Variants in GALNT7 observed in about 807,000 individuals in gnomAD.
The protein encoded by GALNT7 is N-acetylgalactosaminyltransferase 7.
In GALNT7, 60 loss-of-function variants were observed where a neutral mutation model predicts 82.1. That is an observed-to-expected ratio of 0.73 (90% CI 0.59 to 0.91). The LOEUF (loss-of-function observed/expected upper bound fraction) is 0.91. Ranked by LOEUF, GALNT7 falls within the 40% of genes least tolerant of loss-of-function variation. GALNT7 has a pLI of 0.00. For missense variants in GALNT7, 660 were observed against 804.2 expected (o/e 0.82, Z 2.17); for synonymous variants, 243 against 275.1 (o/e 0.88, Z 1.15).
At chr4:173,321,390 G>C (rs1737808303) in intron 11 of GALNT7, among the ~76,000 whole-genome samples, 190 bp from the exon 12 acceptor site, 1 of 152,036 alleles carries the variant, frequency 6.6e-6, no homozygotes, top group Admixed American at 6.6e-5. Flanking sequence ...AAAGATCTTA[G>C]GACTTAGAAA....
chr4:173,195,846 C>G (rs1223356243), intron 1 of GALNT7, among the ~76,000 whole-genome samples: 1 of 152,194 alleles, frequency 6.6e-6, no homozygotes, highest in African/African-American at 2.4e-5. Flanking sequence ...AAAGAGAGTG[C>G]ACACACATAT....
intron 1 of GALNT7, among the ~76,000 whole-genome samples, chr4:173,223,587 C>A (rs1048489846): frequency 2.6e-5 from 4 of 151,270 alleles, no homozygotes; most frequent in Non-Finnish European, 4.4e-5. Context: ...TAAATGAGAC[C>A]CCCACCCCCC....
intron 1 of GALNT7, among the ~76,000 whole-genome samples, chr4:173,229,039 G>T (rs1733935809): frequency 6.6e-6 from 1 of 152,144 alleles, no homozygotes; most frequent in Non-Finnish European, 1.5e-5. Context: ...TATTGTCAGT[G>T]GCAGACAACA....
At chr4:173,269,812 A>T (rs1310261230) in intron 2 of GALNT7, among the ~76,000 whole-genome samples, 1 of 152,228 alleles carries the variant, frequency 6.6e-6, no homozygotes, top group Non-Finnish European at 1.5e-5. Context: ...GGTCTCAAAG[A>T]AATATACAAC....
chr4:173,218,766 T>G (rs577966271), intron 1 of GALNT7, among the ~76,000 whole-genome samples: 2 of 152,326 alleles, frequency 1.3e-5, no homozygotes, highest in Non-Finnish European at 2.9e-5. Context: ...ACATGTATTC[T>G]TTTAAATTTT....
chr4:173,250,901 T>G (rs2126744370), intron 2 of GALNT7, among the ~76,000 whole-genome samples: 1 of 152,332 alleles, frequency 6.6e-6, no homozygotes, highest in African/African-American at 2.4e-5. Context: ...GGCTGGCTCC[T>G]TCCCATCCTT....
At chr4:173,303,823 G>T (rs572288392) in intron 7 of GALNT7, among the ~76,000 whole-genome samples, 173 bp from the exon 8 acceptor site, 1 of 152,274 alleles carries the variant, frequency 6.6e-6, no homozygotes, top group Admixed American at 6.5e-5. Context: ...TTGCCTTCTT[G>T]GTTGTTACAT....
Position 173,227,162 on chromosome 4 carries a change from A to T in GALNT7, c.127-20818A>T, listed in dbSNP as rs1021758941. ...CATGTATATCTACCACTTTGGAGAGAAAAACTGTTAATTTAACCTTAATTT... is the reference window on the plus strand; with the variant it reads ...CATGTATATCTACCACTTTGGAGAGTAAAACTGTTAATTTAACCTTAATTT... On this transcript the variant is annotated intron_variant, in intron 1 of 11. Transcript: ENST00000265000. 2.6e-5 allele frequency among the ~76,000 whole-genome samples: 4 copies of T among 152,158 alleles called. No homozygotes were observed. The East Asian group carries it at 5.8e-4, about 22-fold the overall frequency.
chr4:173,309,515 T>C (rs906337935), intron 8 of GALNT7, among the ~76,000 whole-genome samples: 2 of 152,180 alleles, frequency 1.3e-5, no homozygotes, highest in Admixed American at 1.3e-4. Flanking sequence ...CATGCAGACA[T>C]CCAGATGTCC....
intron 1 of GALNT7, 38 bp downstream of exon 1, chr4:173,168,999 C>CG: frequency 6.2e-7 from 1 of 1,603,480 alleles, no homozygotes; most frequent in Non-Finnish European, 8.5e-7. Context: ...CGGCAGCGAC[C>CG]GGCAACTTGT....
intron 1 of GALNT7, among the ~76,000 whole-genome samples, chr4:173,178,740 G>A (rs961535526): frequency 6.6e-6 from 1 of 152,174 alleles, no homozygotes; most frequent in African/African-American, 2.4e-5. Flanking sequence ...TTGGTGCAGA[G>A]CAGCCTGGTT....
intron 1 of GALNT7, among the ~76,000 whole-genome samples, chr4:173,214,223 T>G (rs1233323411): frequency 6.6e-6 from 1 of 152,068 alleles, no homozygotes; most frequent in Non-Finnish European, 1.5e-5. Context: ...TTTAAAGAAG[T>G]TTAAGTGTTG....
chr4:173,297,911 T>C lies in GALNT7; in HGVS notation c.966-204T>C, dbSNP rs1318999234. 2.7e-6 allele frequency: 4 copies of C among 1,500,472 alleles called. No homozygotes were observed. The African/African-American group carries it at 4.2e-5, about 16-fold the overall frequency. The allele number at this position is 1,500,472 out of a possible 1,614,324, so 92.9% of individuals were successfully genotyped here. On this transcript the variant is annotated intron_variant, in intron 5 of 11. Transcript: ENST00000265000. The stretch of plus-strand genomic sequence containing the variant: ...AGAGGGGCCTGGGACTGGAGTTTAC[T>C]ATGGAAACGTATTCCTCTAAGCCAC...
intron 2 of GALNT7, chr4:173,268,114 G>A (rs1735571391): frequency 6.5e-6 from 1 of 154,892 alleles, no homozygotes; most frequent in Non-Finnish European, 1.5e-5. Flanking sequence ...TAAGTGCTGG[G>A]TGATTGAATC....
At chr4:173,264,003 G>A (rs949553542) in intron 2 of GALNT7, among the ~76,000 whole-genome samples, 3 of 152,074 alleles carry the variant, frequency 2.0e-5, no homozygotes, top group Admixed American at 6.6e-5. Flanking sequence ...TCCCCCTTTA[G>A]CAAGTTACTT....
At chr4:173,190,933 C>T (rs1285906061) in intron 1 of GALNT7, among the ~76,000 whole-genome samples, 1 of 152,032 alleles carries the variant, frequency 6.6e-6, no homozygotes, top group Admixed American at 6.5e-5. Flanking sequence ...TATCAGACCC[C>T]ATTGCTGTTG....
intron 8 of GALNT7, among the ~76,000 whole-genome samples, chr4:173,308,970 G>A (rs1053447649): frequency 6.6e-6 from 1 of 152,128 alleles, no homozygotes; most frequent in Admixed American, 6.5e-5. Context: ...TTGTTCTATT[G>A]TAATAAATAT....
chr4:173,216,727 A>ATACTTTTT (rs71244915), intron 1 of GALNT7, among the ~76,000 whole-genome samples: 1 of 12,980 alleles, frequency 7.7e-5, no homozygotes, highest in African/African-American at 2.8e-4. Context: ...ATATATATAT[A>ATACTTTTT]TTTTTTTTTT....
chr4:173,212,972 G>A (rs1187457928), intron 1 of GALNT7, among the ~76,000 whole-genome samples: 2 of 151,806 alleles, frequency 1.3e-5, no homozygotes, highest in Admixed American at 1.3e-4. Context: ...TAACGTAATT[G>A]CTCACTTCAT....
Sources: gnomAD v4.1 joint callset for allele counts (sites outside exome capture counted in the v4.1 genomes callset) on GRCh38, gnomAD v4.1.1 for gene constraint, MANE v1.5 for transcripts, NCBI Gene and HGNC (gene_info 2026-07-23, HGNC 2026-07-21) for gene names.